Variants in INTS1 observed in about 807,000 individuals in gnomAD.
INTS1 encodes integrator complex subunit 1.
A neutral mutation model predicts 241.6 loss-of-function variants in INTS1; 137 were observed. The ratio of observed to expected loss-of-function variants is 0.57; its 90% CI spans 0.49 to 0.65. The LOEUF (loss-of-function observed/expected upper bound fraction) is 0.65, where lower values mean the gene tolerates loss of function less well. Among genes scored for constraint, INTS1 ranks in the 30% least tolerant of loss-of-function variants. The probability of loss-of-function intolerance (pLI) is 0.00; values close to 1 mark genes in which losing one functional copy is unlikely to be tolerated. For synonymous variants in INTS1, 1,692 were observed against 1,337.8 expected, an observed-to-expected ratio of 1.26 and a Z score of -5.78; for missense variants, 3,073 against 3,032.2, an observed-to-expected ratio of 1.01 and a Z score of -0.32.
Position 1,487,807 on chromosome 7 carries a change from A to G in INTS1, c.2469T>C (p.Thr823=). ...GCGACAGGAGGAGGCTGCTGCTCTC[A>G]GTGATGGTCTGCTTGGTGGACGCGG... ...LAAASTKQTI[T]ESSSLLLSQL... is the part of the protein sequence containing the mutation. Residue 823 remains threonine, a synonymous_variant, in exon 19 of 48, where the codon ACT becomes ACC. Transcript: ENST00000404767. 4 of 1,612,316 alleles carry G rather than the reference A, an allele frequency of 2.5e-6. No individual in the cohort carries two copies. Among genetic ancestry groups the G allele is most frequent in the Non-Finnish European group, 3.4e-6 (4 of 1,179,796 alleles).
intron 24 of INTS1, 115 bp from the exon 25 acceptor site, chr7:1,484,285 A>T: frequency 9.0e-7 from 1 of 1,107,276 alleles, no homozygotes; most frequent in Non-Finnish European, 1.3e-6. Flanking sequence ...GGCCCGCGGC[A>T]CCGCAGACCC....
At chr7:1,501,462 G>C (rs1471016586) in intron 3 of INTS1, among the ~76,000 whole-genome samples, 1 of 152,028 alleles carries the variant, frequency 6.6e-6, no homozygotes, top group African/African-American at 2.4e-5. Context: ...GGGACAGCCT[G>C]GGACATTTAC....
Position 1,493,215 on chromosome 7 carries a change from CCGCAGGGTGGGG to C in INTS1, c.2069-121_2069-110del. On this transcript the variant is annotated intron_variant, in intron 15 of 47. Coordinates refer to ENST00000404767, the MANE Select transcript of INTS1 (RefSeq NM_001080453.3). The surrounding 1 kb of genome is among the most constrained non-coding windows in gnomAD (Gnocchi z 5.3). ...CCGCGTCGGGGTGGGGTGGGGGATG[CCGCAGGGTGGGG>C]CGCAGGCCTGAGCAGGAGAGCTGGG... 1.3e-6 allele frequency: 1 copy of C among 750,318 alleles called. No homozygotes were observed. Among genetic ancestry groups the C allele is most frequent in the South Asian group, 1.6e-5 (1 of 61,106 alleles). 46.5% of individuals were successfully genotyped at this position (750,318 alleles called of 1,614,324 possible).
chr7:1,502,032 C>G (rs1282172253), intron 3 of INTS1, among the ~76,000 whole-genome samples: 2 of 152,164 alleles, frequency 1.3e-5, no homozygotes, highest in Non-Finnish European at 2.9e-5. Context: ...CACTCACAGG[C>G]TTGCACTGCA....
chr7:1,490,849 G>C (rs1195910565), intron 16 of INTS1, among the ~76,000 whole-genome samples: 1 of 152,314 alleles, frequency 6.6e-6, no homozygotes. Flanking sequence ...ACACATAGAC[G>C]GACAGAACAG....
chr7:1,472,281 G>T lies in INTS1; in HGVS notation c.6176C>A (p.Thr2059Lys). ...PYMKRLSRGQ[T>K]VEDLLEVLSD... ...AGCAGGGCCTGACTCACCCTCCACC[G>T]TTTGGCCCCGGGAAAGCCGTTTCAT... Residue 2059 changes from threonine (T) to lysine (K), a missense_variant, in exon 44 of 48, where the codon ACG (threonine) becomes AAG (lysine). Coordinates refer to ENST00000404767, the MANE Select transcript of INTS1 (RefSeq NM_001080453.3). 6.4e-7 allele frequency: 1 copy of T among 1,553,490 alleles called. No homozygotes were observed. Among genetic ancestry groups the T allele is most frequent in the Non-Finnish European group, 8.7e-7 (1 of 1,148,614 alleles).
chr7:1,483,118 C>T (rs1270059598), intron 26 of INTS1: 1 of 218,066 alleles, frequency 4.6e-6, no homozygotes, highest in Non-Finnish European at 9.3e-6. Flanking sequence ...ACGCCTGTGA[C>T]TGTGTCTGCC....
intron 41 of INTS1, among the ~76,000 whole-genome samples, chr7:1,473,951 G>A (rs1371274067): frequency 1.3e-5 from 2 of 152,270 alleles, no homozygotes; most frequent in Non-Finnish European, 1.5e-5. Context: ...AGCACGGAGG[G>A]TCTGGGCTGG....
At chr7:1,484,891 G>A (rs1782176569) in intron 24 of INTS1, among the ~76,000 whole-genome samples, 2 of 152,114 alleles carry the variant, frequency 1.3e-5, no homozygotes, top group African/African-American at 2.4e-5. Context: ...CGCCAGCCCA[G>A]GGCACTGCAC....
intron 44 of INTS1, 112 bp downstream of exon 44, chr7:1,472,161 C>T (rs1781499690): frequency 5.0e-6 from 4 of 794,076 alleles, no homozygotes; most frequent in East Asian, 2.7e-5. Context: ...CACAGCCCAG[C>T]GTGGGCCAGG....
Position 1,470,504 on chromosome 7 carries a change from T to G in INTS1, c.*73A>C. On this transcript the variant is annotated 3_prime_UTR_variant, in exon 48 of 48. Transcript: ENST00000404767. ...CGGACAGACCAGCAACGCCCACGCT[T>G]CCTGGGCTTTGCCTCGAGGATCCCC... 8.2e-7 allele frequency: 1 copy of G among 1,214,712 alleles called. No homozygotes were observed. The highest frequency in any genetic ancestry group is 2.4e-5 in the Admixed American group (1 of 40,998). 75.2% of individuals were successfully genotyped at this position (1,214,712 alleles called of 1,614,324 possible).
Position 1,499,607 on chromosome 7 carries a change from T to TC in INTS1, c.709dup (p.Glu237GlyfsTer11). ...GTGAGGGCTGTCCACCCAGATCCGC[T>TC]CCCCCAGGGAGTCCTCGATGTACAC... On this transcript the variant is annotated frameshift_variant, in exon 6 of 48. Transcript: ENST00000404767. LOFTEE classifies it high-confidence loss of function. 6.2e-7 allele frequency: 1 copy of TC among 1,612,408 alleles called. No individual in the cohort carries two copies. Among genetic ancestry groups the TC allele is most frequent in the Non-Finnish European group, 8.5e-7 (1 of 1,179,218 alleles).
intron 26 of INTS1, 108 bp downstream of exon 26, chr7:1,483,634 G>A: frequency 1.2e-6 from 1 of 826,218 alleles, no homozygotes; most frequent in Non-Finnish European, 2.0e-6. Context: ...AAGGGCTGGG[G>A]GGCTTCCCGC....
chr7:1,475,468 A>G (rs1781668663), intron 39 of INTS1, among the ~76,000 whole-genome samples: 1 of 152,122 alleles, frequency 6.6e-6, no homozygotes, highest in African/African-American at 2.4e-5. Flanking sequence ...AGAAATGATT[A>G]GAGAAAGTCA....
intron 16 of INTS1, 86 bp downstream of exon 16, chr7:1,492,924 A>C: frequency 1.2e-6 from 1 of 829,400 alleles, no homozygotes; most frequent in Non-Finnish European, 1.8e-6. Context: ...GGGAGTGGGG[A>C]GCGGGGCGCG....
intron 26 of INTS1, 111 bp downstream of exon 26, chr7:1,483,630 TG>T: frequency 7.5e-6 from 6 of 802,986 alleles, no homozygotes; most frequent in Non-Finnish European, 1.1e-5. Context: ...GTTGAAGGGC[TG>T]GGGGGCTTCC....
intron 1 of INTS1, 84 bp from the exon 2 acceptor site, chr7:1,504,085 G>C: frequency 2.7e-6 from 2 of 735,140 alleles, no homozygotes; most frequent in South Asian, 3.8e-5. Flanking sequence ...ACGGGGCTTG[G>C]GCCTGGGACC....
chr7:1,477,452 C>T (rs1475701256), intron 35 of INTS1, 98 bp downstream of exon 35: 8 of 1,385,624 alleles, frequency 5.8e-6, no homozygotes, highest in East Asian at 2.6e-5. Context: ...GTGCTGGGGC[C>T]CCTGCAAGGC....
rs185981905 is a variant in INTS1 at position 1,470,290 on chromosome 7, G to A, written c.*287C>T. The A allele has an allele frequency of 2.6e-3, 1,036 of 402,294 alleles. 25 individuals are homozygous for A. The Admixed American group carries it at 0.041, about 16-fold the overall frequency. The allele number at this position is 402,294 out of a possible 1,614,324, so 24.9% of individuals were successfully genotyped here. A position where few individuals can be genotyped will look rare whatever the true frequency, so the allele number is the denominator to read the frequency against. The stretch of plus-strand genomic sequence containing the variant: ...AGAGAGCACACAGACAGTTCAGGTC[G>A]TTTCATTCAAAACCAGCCCAGGCCA... On this transcript the variant is annotated 3_prime_UTR_variant, in exon 48 of 48. Transcript: ENST00000404767.
Sources: gnomAD v4.1 joint callset for allele counts (sites outside exome capture counted in the v4.1 genomes callset) on GRCh38, gnomAD v4.1.1 for gene constraint, Gnocchi (gnomAD v3.1) non-coding constraint, MANE v1.5 for transcripts, NCBI Gene and HGNC (gene_info 2026-07-23, HGNC 2026-07-21) for gene names.